The following VPS37C variants were observed in gnomAD, a reference collection of about 807,000 sequenced individuals.
VPS37C encodes the protein vacuolar protein sorting-associated protein 37C.
In VPS37C, 9 loss-of-function variants were observed where a neutral mutation model predicts 16.1. That is an observed-to-expected ratio of 0.56 (90% CI 0.34 to 0.97). The LOEUF (loss-of-function observed/expected upper bound fraction) is 0.97, where lower values mean the gene tolerates loss of function less well. VPS37C is among the 50% of genes least tolerant of loss of function. The pLI is 0.02. For missense variants in VPS37C, 479 were observed against 472.7 expected (o/e 1.01, Z -0.12); for synonymous variants, 207 against 206.4 (o/e 1.00, Z -0.02).
intron 2 of VPS37C, among the ~76,000 whole-genome samples, chr11:61,136,993 A>T (rs915259219): frequency 5.3e-5 from 8 of 152,190 alleles, no homozygotes; most frequent in Non-Finnish European, 1.2e-4. Flanking sequence ...TGGGTGACAA[A>T]GTAAGACCCT....
At chr11:61,149,273 G>C (rs549180959) in intron 1 of VPS37C, among the ~76,000 whole-genome samples, 2 of 152,150 alleles carry the variant, frequency 1.3e-5, no homozygotes, top group South Asian at 2.1e-4. Flanking sequence ...GCGACAGAGC[G>C]AGACTCCATC....
intron 1 of VPS37C, chr11:61,143,375 T>A (rs1297692701): frequency 7.6e-6 from 1 of 131,266 alleles, no homozygotes; most frequent in Non-Finnish European, 1.6e-5. Flanking sequence ...TTTTTTTTTT[T>A]TTTTTTTTTT....
intron 1 of VPS37C, among the ~76,000 whole-genome samples, chr11:61,145,764 A>AT (rs1481692575): frequency 1.3e-5 from 2 of 152,202 alleles, no homozygotes; most frequent in African/African-American, 4.8e-5. Flanking sequence ...CAGCCACCGC[A>AT]TATGTCTCAA....
chr11:61,153,508 A>G (rs1006380528), intron 1 of VPS37C, among the ~76,000 whole-genome samples: 1 of 152,200 alleles, frequency 6.6e-6, no homozygotes, highest in African/African-American at 2.4e-5. Flanking sequence ...CTGGACAGGG[A>G]CTTCCACTTT....
intron 4 of VPS37C, 178 bp from the exon 5 acceptor site, chr11:61,132,717 T>A: frequency 1.2e-6 from 1 of 827,838 alleles, no homozygotes; most frequent in Non-Finnish European, 1.8e-6. Context: ...ACTGTCTCCC[T>A]CACTAGAATG....
intron 2 of VPS37C, among the ~76,000 whole-genome samples, chr11:61,137,660 G>T (rs1861403162): frequency 6.6e-6 from 1 of 152,124 alleles, no homozygotes; most frequent in Admixed American, 6.5e-5. Context: ...GTCAGCCCTG[G>T]GGCTTCGACA....
chr11:61,149,265 G>A (rs773254321), intron 1 of VPS37C, among the ~76,000 whole-genome samples: 25 of 152,240 alleles, frequency 1.6e-4, no homozygotes, highest in African/African-American at 4.3e-4. Flanking sequence ...CAGCCTCGGC[G>A]ACAGAGCGAG....
chr11:61,150,206 GT>G (rs1853275908), intron 1 of VPS37C, among the ~76,000 whole-genome samples: 1 of 152,066 alleles, frequency 6.6e-6, no homozygotes, highest in African/African-American at 2.4e-5. Context: ...AGACATGTGG[GT>G]CCCCCCCACC....
chr11:61,133,024 T>C (rs1861301309), intron 4 of VPS37C: 1 of 645,768 alleles, frequency 1.5e-6, no homozygotes, highest in African/African-American at 1.8e-5. Flanking sequence ...CATCCAGGGC[T>C]GCGAGCTGCC....
intron 1 of VPS37C, among the ~76,000 whole-genome samples, chr11:61,154,163 TAAAATTCACA>T (rs1853345317): frequency 6.6e-6 from 1 of 152,056 alleles, no homozygotes; most frequent in African/African-American, 2.4e-5. Flanking sequence ...CCCCACAAGG[TAAAATTCACA>T]ACATCTGATA....
chr11:61,131,850 T>C lies in VPS37C; in HGVS notation c.1038A>G (p.Pro346=), dbSNP rs773388254. 12 of 1,218,364 alleles carry C rather than the reference T, an allele frequency of 9.8e-6. No individual in the cohort carries two copies. In the East Asian group the frequency reaches 2.3e-4, roughly 23 times the overall value. 75.5% of individuals were successfully genotyped at this position (1,218,364 alleles called of 1,614,324 possible). The change falls in exon 5 of 5, where the codon CCA becomes CCG. Residue 346 remains proline (P), a synonymous_variant. Transcript: ENST00000301765. ...PGPAPPYGFP[P]PPGPAWPGY is the part of the protein sequence containing the mutation. ...ACCCAGGCCAGGCAGGCCCCGGCGG[T>C]GGTGGGAACCCATAGGGAGGGGCGG...
At chr11:61,145,170 G>C (rs1434731756) in intron 1 of VPS37C, 1 of 152,206 alleles carries the variant, frequency 6.6e-6, no homozygotes, top group South Asian at 2.1e-4. Context: ...AAGCCAGCAT[G>C]AGCTTAAGTG....
intron 1 of VPS37C, among the ~76,000 whole-genome samples, chr11:61,145,892 C>T (rs1292081700): frequency 6.6e-6 from 1 of 152,184 alleles, no homozygotes; most frequent in African/African-American, 2.4e-5. Context: ...GAGCCCTGGC[C>T]CAGAGCCCCT....
In VPS37C at chr11:61,134,023, G is replaced by C; in HGVS notation, c.265+13C>G. 6.3e-7 allele frequency: 1 copy of C among 1,599,532 alleles called. No individual in the cohort carries two copies. Among genetic ancestry groups the C allele is most frequent in the Non-Finnish European group, 8.6e-7 (1 of 1,168,744 alleles). ...TGAATGGGGACCCTGAGTTCACAGA[G>C]GAGCCACCCTACCCAGCTTTGCCTT... On this transcript the variant is annotated intron_variant, in intron 3 of 4. Coordinates refer to ENST00000301765, the MANE Select transcript of VPS37C (RefSeq NM_017966.5).
rs1590794032 is a variant in VPS37C at position 61,152,896 on chromosome 11, C to A, written c.-7+8495G>T. Among the ~76,000 whole-genome samples the A allele has an allele frequency of 2.6e-5, 4 of 152,368 alleles. No individual in the cohort carries two copies. In the South Asian group the frequency reaches 6.2e-4, roughly 24 times the overall value. ...AAATGCCTGCTCCATCCCTCAAAAG[C>A]CAGCAACTCTCTAAAGCTTTCCTTG... On this transcript the variant is annotated intron_variant, in intron 1 of 4. Coordinates refer to ENST00000301765, the MANE Select transcript of VPS37C (RefSeq NM_017966.5).
At chr11:61,159,189 A>G (rs965502902) in intron 1 of VPS37C, among the ~76,000 whole-genome samples, 5 of 152,244 alleles carry the variant, frequency 3.3e-5, no homozygotes, top group Non-Finnish European at 5.9e-5. Flanking sequence ...GCAATAAACA[A>G]AAAGAAAACA....
Position 61,130,889 on chromosome 11 carries a change from G to C in VPS37C, c.*931C>G. On this transcript the variant is annotated 3_prime_UTR_variant, in exon 5 of 5. Coordinates refer to ENST00000301765, the MANE Select transcript of VPS37C (RefSeq NM_017966.5). ...GATTACATCAACAGAGTGAGAAGGG[G>C]AGGGGAAGGGAGGGGGCTGCTTGTG... The C allele has an allele frequency of 2.5e-6, 1 of 400,810 alleles. No individual in the cohort carries two copies. 24.8% of individuals were successfully genotyped at this position (400,810 alleles called of 1,614,324 possible). A position where few individuals can be genotyped will look rare whatever the true frequency, so the allele number is the denominator to read the frequency against.
rs771054958 is a variant in VPS37C, at chr11:61,134,126, G to C, written c.175C>G (p.Pro59Ala). 1.2e-6 allele frequency: 2 copies of C among 1,613,840 alleles called. No individual in the cohort carries two copies. Among genetic ancestry groups the C allele is most frequent in the African/African-American group, 2.7e-5 (2 of 74,890 alleles). ...LAERNLEFQG[P>A]LEISRSNLSD... The stretch of plus-strand genomic sequence containing the variant: ...AGGTTTGAGCGGCTGATCTCCAGGG[G>C]ACCCTGGAACTCCAAGTTCCGCTCT... The change falls in exon 3 of 5, where the codon CCC (proline) becomes GCC (alanine). Residue 59 changes from proline (P) to alanine (A), a missense_variant. Physicochemically the swap from Pro to Ala is conservative, Grantham distance 27. Coordinates refer to ENST00000301765, the MANE Select transcript of VPS37C (RefSeq NM_017966.5).
In VPS37C at chr11:61,132,247, G is replaced by T; in HGVS notation, c.641C>A (p.Pro214His). ...PLPYSPSPSL[P>H]VGPTAHGALP... ...GGCTCCATGGGCAGTGGGGCCCACA[G>T]GCAGGCTGGGGGATGGGCTGTAGGG... The change falls in exon 5 of 5, where the codon CCT becomes CAT. Residue 214 changes from proline to histidine, a missense_variant. Transcript: ENST00000301765. 1 of 1,521,876 alleles carries T rather than the reference G, an allele frequency of 6.6e-7. No homozygotes were observed. The highest frequency in any genetic ancestry group is 8.8e-7 in the Non-Finnish European group (1 of 1,134,338). The allele number at this position is 1,521,876 out of a possible 1,614,324, so 94.3% of individuals were successfully genotyped here.
Sources: allele counts gnomAD v4.1 joint callset (sites outside exome capture counted in the v4.1 genomes callset), GRCh38; gene constraint gnomAD v4.1.1; transcripts MANE v1.5; gene names NCBI Gene and HGNC (gene_info 2026-07-23, HGNC 2026-07-21).